WDR7: variants seen among roughly 807,000 people sequenced by gnomAD.
The protein encoded by WDR7 is WD repeat-containing protein 7.
WDR7 carries 46 observed loss-of-function variants against 169.4 expected under a neutral mutation model. The ratio of observed to expected loss-of-function variants is 0.27; its 90% CI spans 0.21 to 0.35. The LOEUF (loss-of-function observed/expected upper bound fraction) is 0.35, where lower values mean the gene tolerates loss of function less well. Among genes scored for constraint, WDR7 ranks in the 10% least tolerant of loss-of-function variants. WDR7 has a pLI of 1.00. For missense variants in WDR7, 1,534 were observed against 1,859.3 expected (o/e 0.83, Z 3.22); for synonymous variants, 612 against 666.8 (o/e 0.92, Z 1.27).
intron 14 of WDR7, among the ~76,000 whole-genome samples, chr18:56,734,925 C>T (rs984168061): frequency 6.6e-6 from 1 of 152,012 alleles, no homozygotes; most frequent in Admixed American, 6.6e-5. Flanking sequence ...GATAATTGCT[C>T]AAGCAATTTA....
At chr18:56,770,388 A>C (rs568325944) in intron 16 of WDR7, among the ~76,000 whole-genome samples, 2 of 152,280 alleles carry the variant, frequency 1.3e-5, no homozygotes, top group African/African-American at 4.8e-5. Flanking sequence ...TCATATACCA[A>C]ATTCAAGTTA....
intron 9 of WDR7, among the ~76,000 whole-genome samples, chr18:56,693,564 T>TTG: frequency 2.0e-5 from 1 of 48,924 alleles, no homozygotes; most frequent in Admixed American, 2.7e-4. Context: ...TTTGTTGGTT[T>TTG]TTTTTTTTGT....
At chr18:56,770,609 G>A (rs2044139505) in intron 16 of WDR7, among the ~76,000 whole-genome samples, 1 of 152,190 alleles carries the variant, frequency 6.6e-6, no homozygotes, top group Non-Finnish European at 1.5e-5. Context: ...CAGTGGTGAT[G>A]TACAGGTGAA....
chr18:56,791,273 G>C (rs1190599267), intron 19 of WDR7, among the ~76,000 whole-genome samples: 1 of 152,022 alleles, frequency 6.6e-6, no homozygotes, highest in Non-Finnish European at 1.5e-5. Flanking sequence ...TGGAAAAAGA[G>C]GTGGATAATT....
At chr18:57,012,892 T>C (rs1599246258) in intron 26 of WDR7, among the ~76,000 whole-genome samples, 1 of 152,300 alleles carries the variant, frequency 6.6e-6, no homozygotes, top group East Asian at 1.9e-4. Flanking sequence ...GGGAATAACA[T>C]AGTCTGCTTA....
At chr18:56,833,284 A>G (rs956706883) in intron 20 of WDR7, among the ~76,000 whole-genome samples, 10 of 152,112 alleles carry the variant, frequency 6.6e-5, no homozygotes, top group African/African-American at 2.4e-4. Flanking sequence ...AGGCAAGATT[A>G]GAGAAAAAGG....
At chr18:56,975,316 C>G (rs2047550595) in intron 26 of WDR7, among the ~76,000 whole-genome samples, 2 of 152,064 alleles carry the variant, frequency 1.3e-5, no homozygotes, top group Non-Finnish European at 2.9e-5. Context: ...GAAAACTTTT[C>G]TGGGAGAGGA....
intron 26 of WDR7, among the ~76,000 whole-genome samples, chr18:57,018,967 T>G (rs2048246736): frequency 6.6e-6 from 1 of 152,220 alleles, no homozygotes; most frequent in Non-Finnish European, 1.5e-5. Context: ...TTAAGCTGGT[T>G]TCTTGCGCTA....
chr18:56,936,066 T>C, intron 23 of WDR7, 161 bp downstream of exon 23: 1 of 620,384 alleles, frequency 1.6e-6, no homozygotes. Flanking sequence ...TGTGTGCATG[T>C]ACACTGAATT....
chr18:56,665,364 T>C (rs753471326), intron 1 of WDR7, among the ~76,000 whole-genome samples: 1 of 138,918 alleles, frequency 7.2e-6, no homozygotes, highest in African/African-American at 2.6e-5. Flanking sequence ...TTAACTGTAT[T>C]ATAATGGAAA....
At chr18:57,019,016 AT>A (rs1423347668) in intron 26 of WDR7, among the ~76,000 whole-genome samples, 1 of 152,176 alleles carries the variant, frequency 6.6e-6, no homozygotes, top group East Asian at 1.9e-4. Flanking sequence ...AAATTAGTAC[AT>A]TTATGGGCCA....
At chr18:56,832,412 C>T (rs1403839354) in intron 20 of WDR7, among the ~76,000 whole-genome samples, 3 of 152,204 alleles carry the variant, frequency 2.0e-5, no homozygotes, top group Non-Finnish European at 4.4e-5. Context: ...GTGGTTGCAG[C>T]TTCAGCAGAC....
chr18:56,862,886 C>G (rs967319215), intron 20 of WDR7, among the ~76,000 whole-genome samples: 1 of 151,774 alleles, frequency 6.6e-6, no homozygotes, highest in African/African-American at 2.4e-5. Flanking sequence ...CATAAAGAAT[C>G]AGGATAAGTT....
rs151134895 is a variant in WDR7 at position 56,799,791 on chromosome 18, A to G, written c.3191-16240A>G. ...GGTTGCAAAATCAAATATGATTCTC[A>G]TGACACCAAGTGGATAGGGATTATT... On this transcript the variant is annotated intron_variant, in intron 19 of 27. Coordinates refer to ENST00000254442, the MANE Select transcript of WDR7 (RefSeq NM_015285.3). Among the ~76,000 whole-genome samples, 141 of 152,004 alleles carry G rather than the reference A, an allele frequency of 9.3e-4. 1 individual carries two copies. The highest frequency in any genetic ancestry group is 1.5e-3 in the Non-Finnish European group (100 of 67,980).
At chr18:56,720,445 T>A (rs1338039876) in intron 13 of WDR7, among the ~76,000 whole-genome samples, 1 of 151,684 alleles carries the variant, frequency 6.6e-6, no homozygotes, top group Non-Finnish European at 1.5e-5. Flanking sequence ...AGAGACTCTG[T>A]CTTAAAAATA....
rs140611536 is a variant in WDR7 at position 56,880,389 on chromosome 18, C to T, written c.3526+224C>T. On this transcript the variant is annotated intron_variant, in intron 21 of 27. Transcript: ENST00000254442. ...TTTAAATGCTATTCTTAAAATAACA[C>T]ATTTCTGACCTTTGTATTTTTGCAT... 2.2e-3 allele frequency among the ~76,000 whole-genome samples: 334 copies of T among 152,268 alleles called. 1 individual carries two copies. Among genetic ancestry groups the T allele is most frequent in the African/African-American group, 7.7e-3 (320 of 41,554 alleles).
chr18:56,757,389 CA>C (rs770584030), intron 15 of WDR7, 37 bp downstream of exon 15: 7 of 1,492,242 alleles, frequency 4.7e-6, no homozygotes, highest in African/African-American at 1.4e-5. Flanking sequence ...TCTTAAGTTT[CA>C]AAAAAAGAAA....
intron 8 of WDR7, 73 bp downstream of exon 8, chr18:56,691,434 T>C: frequency 3.5e-6 from 5 of 1,427,292 alleles, no homozygotes; most frequent in Non-Finnish European, 4.6e-6. Flanking sequence ...AACCTGACTT[T>C]AAGAAAATGT....
At chr18:56,664,230 C>T (rs535724385) in intron 1 of WDR7, among the ~76,000 whole-genome samples, 48 of 152,176 alleles carry the variant, frequency 3.2e-4, no homozygotes, top group African/African-American at 1.1e-3. Context: ...AGTGGGAGAT[C>T]TTGAGTGTCC....
Sources: gnomAD v4.1 joint callset for allele counts (sites outside exome capture counted in the v4.1 genomes callset) on GRCh38, gnomAD v4.1.1 for gene constraint, MANE v1.5 for transcripts, NCBI Gene and HGNC (gene_info 2026-07-23, HGNC 2026-07-21) for gene names.